BMPER: variants seen among roughly 807,000 people sequenced by gnomAD.
BMPER encodes the protein BMP binding endothelial regulator.
A neutral mutation model predicts 87.3 loss-of-function variants in BMPER; 45 were observed. That is an observed-to-expected ratio of 0.52 (90% CI 0.41 to 0.66). The LOEUF is 0.66. BMPER is among the 30% of genes least tolerant of loss of function. The pLI is 0.00. For missense variants in BMPER, 784 were observed against 867.5 expected, an observed-to-expected ratio of 0.90 and a Z score of 1.21; for synonymous variants, 326 against 316.2, an observed-to-expected ratio of 1.03 and a Z score of -0.33.
intron 2 of BMPER, among the ~76,000 whole-genome samples, chr7:33,917,082 A>T (rs1046418143): frequency 1.3e-5 from 2 of 152,232 alleles, no homozygotes; most frequent in Non-Finnish European, 2.9e-5. Flanking sequence ...TTATAGAAGT[A>T]GACTGTTGTC....
At chr7:33,958,021 C>G (rs1029690201) in intron 3 of BMPER, among the ~76,000 whole-genome samples, 13 of 152,092 alleles carry the variant, frequency 8.5e-5, no homozygotes, top group African/African-American at 3.1e-4. Context: ...CGGAGGGTTC[C>G]ATTCTTGACT....
chr7:34,148,123 C>T (rs751025903), intron 14 of BMPER, among the ~76,000 whole-genome samples: 17 of 152,146 alleles, frequency 1.1e-4, no homozygotes, highest in Non-Finnish European at 2.2e-4. Context: ...ACCCACCAAA[C>T]CAAGGATCCG....
At chr7:34,008,682 A>G (rs565252335) in intron 6 of BMPER, among the ~76,000 whole-genome samples, 14 of 152,096 alleles carry the variant, frequency 9.2e-5, no homozygotes, top group Admixed American at 3.3e-4. Flanking sequence ...ATGACATTCA[A>G]TGTTACTGGT....
At chr7:34,147,585 C>G (rs1252418887) in intron 14 of BMPER, among the ~76,000 whole-genome samples, 1 of 152,172 alleles carries the variant, frequency 6.6e-6, no homozygotes, top group African/African-American at 2.4e-5. Flanking sequence ...ATTCTCCTGC[C>G]TCAGCCTCCC....
Position 34,155,846 on chromosome 7 carries a change from T to A in BMPER, c.*2573T>A, listed in dbSNP as rs984406969. ...TAAGCTCTTGCAGAGTGAGATGACT[T>A]GAAATAAAAATGTTCTATGAATATT... On this transcript the variant is annotated 3_prime_UTR_variant, in exon 15 of 15. Transcript: ENST00000649409. 12 of 152,276 alleles carry A rather than the reference T, an allele frequency of 7.9e-5. No individual in the cohort carries two copies. Among genetic ancestry groups the A allele is most frequent in the African/African-American group, 2.9e-4 (12 of 41,554 alleles). 9.4% of individuals were successfully genotyped at this position (152,276 alleles called of 1,614,324 possible).
chr7:34,125,002 A>G (rs572438580), intron 13 of BMPER, among the ~76,000 whole-genome samples: 17 of 152,254 alleles, frequency 1.1e-4, no homozygotes, highest in Non-Finnish European at 1.9e-4. Flanking sequence ...TTCCTAAAAA[A>G]AAAAACCCAG....
At chr7:34,043,574 G>A (rs1029330487) in intron 6 of BMPER, among the ~76,000 whole-genome samples, 1 of 152,126 alleles carries the variant, frequency 6.6e-6, no homozygotes, top group Non-Finnish European at 1.5e-5. Flanking sequence ...GCTCGAGTGG[G>A]TTGAACTTTA....
At chr7:33,921,839 C>T (rs777889613) in intron 2 of BMPER, 79 of 470,788 alleles carry the variant, frequency 1.7e-4, no homozygotes, top group Non-Finnish European at 2.7e-4. Flanking sequence ...TGACCTAGTG[C>T]GCCAGCTGCA....
rs60667742 is a variant in BMPER at position 33,919,923 on chromosome 7, A to ATATCTGTCTATCTATCTATCTATC, written c.219+13025_219+13026insGTCTATCTATCTATCTATCTATCT. 1.7e-3 allele frequency among the ~76,000 whole-genome samples: 263 copies of ATATCTGTCTATCTATCTATCTATC among 150,830 alleles called. 2 individuals carry two copies. Among genetic ancestry groups the ATATCTGTCTATCTATCTATCTATC allele is most frequent in the African/African-American group, 5.8e-3 (238 of 40,946 alleles). On this transcript the variant is annotated intron_variant, in intron 2 of 14. Transcript: ENST00000649409. ...TTTATAAGGTTATGTATCTGTGTAC[A>ATATCTGTCTATCTATCTATCTATC]TATCTATCTATCTATCTATCTATCT...
At chr7:34,111,698 G>C (rs1010020341) in intron 13 of BMPER, among the ~76,000 whole-genome samples, 2 of 152,086 alleles carry the variant, frequency 1.3e-5, no homozygotes, top group Non-Finnish European at 2.9e-5. Context: ...ATTCTGAAAT[G>C]AATCTAAAAG....
rs142014353 is a variant in BMPER at position 34,015,533 on chromosome 7, G to A, written c.577-30773G>A. ...TACACATGGACACAAGCAACCCCAC[G>A]GTTGCTGCCTGTGACAGAGCTTCCA... On this transcript the variant is annotated intron_variant, in intron 6 of 14. Coordinates refer to ENST00000649409, the MANE Select transcript of BMPER (RefSeq NM_001365308.1). 3.7e-4 allele frequency among the ~76,000 whole-genome samples: 56 copies of A among 151,994 alleles called. 1 individual carries two copies. Among genetic ancestry groups the A allele is most frequent in the Middle Eastern group, 3.4e-3 (1 of 294 alleles).
At chr7:33,933,933 T>C (rs1784540210) in intron 2 of BMPER, among the ~76,000 whole-genome samples, 1 of 152,200 alleles carries the variant, frequency 6.6e-6, no homozygotes, top group African/African-American at 2.4e-5. Flanking sequence ...TGGGAATTTT[T>C]GGTGAAAAAA....
chr7:33,988,726 TCTAGCA>T (rs1786094636), intron 6 of BMPER, among the ~76,000 whole-genome samples: 1 of 151,416 alleles, frequency 6.6e-6, no homozygotes, highest in Non-Finnish European at 1.5e-5. Context: ...TAACTCGTCA[TCTAGCA>T]TTACGTATAT....
At chr7:34,103,462 T>C (rs1382947821) in intron 13 of BMPER, among the ~76,000 whole-genome samples, 1 of 152,176 alleles carries the variant, frequency 6.6e-6, no homozygotes, top group Non-Finnish European at 1.5e-5. Flanking sequence ...GTTTTCCAGT[T>C]GGTGCCTCTT....
chr7:33,960,403 T>TA (rs573991857), intron 3 of BMPER, among the ~76,000 whole-genome samples: 1 of 152,146 alleles, frequency 6.6e-6, no homozygotes, highest in African/African-American at 2.4e-5. Context: ...AGTGGTTCAT[T>TA]AAAAAAATTG....
intron 6 of BMPER, among the ~76,000 whole-genome samples, chr7:34,033,039 C>A (rs1240375158): frequency 2.0e-5 from 3 of 152,138 alleles, no homozygotes; most frequent in Admixed American, 2.0e-4. Flanking sequence ...ACTAAATGGT[C>A]ATTGTATATG....
At chr7:34,017,791 A>C (rs1036672399) in intron 6 of BMPER, among the ~76,000 whole-genome samples, 3 of 151,874 alleles carry the variant, frequency 2.0e-5, no homozygotes, top group Non-Finnish European at 4.4e-5. Context: ...CTGCTGGTCC[A>C]TGCTTTAGGA....
At position 34,078,888 on chromosome 7, in the gene BMPER, C is replaced by A. The variant is rs1157025875; in HGVS notation, c.1110C>A (p.Pro370=). ...GCGTTTGCACGGTGTTTGGAGATCC[C>A]CACTACAACACTTTTGACGGTCGGA... ...KPGVCTVFGD[P]HYNTFDGRTF... The change falls in exon 12 of 15, where the codon CCC becomes CCA. Residue 370 remains proline (P), a synonymous_variant. Coordinates refer to ENST00000649409, the MANE Select transcript of BMPER (RefSeq NM_001365308.1). The A allele has an allele frequency of 3.7e-6, 6 of 1,613,946 alleles. 1 individual carries two copies. Among genetic ancestry groups the A allele is most frequent in the Admixed American group, 1.7e-5 (1 of 59,996 alleles).
rs536880037 is a variant in BMPER at position 34,014,482 on chromosome 7, C to T, written c.577-31824C>T. Among the ~76,000 whole-genome samples the T allele has an allele frequency of 1.1e-4, 17 of 152,044 alleles. No individual in the cohort carries two copies. In the Middle Eastern group the frequency reaches 0.014, roughly 122 times the overall value. On this transcript the variant is annotated intron_variant, in intron 6 of 14. Coordinates refer to ENST00000649409, the MANE Select transcript of BMPER (RefSeq NM_001365308.1). ...GCCACCCTGTGTCCCATTTCAATGGCCTTGAAGGCATCATTGTGATGTGAT... is the reference window on the plus strand; with the variant it reads ...GCCACCCTGTGTCCCATTTCAATGGTCTTGAAGGCATCATTGTGATGTGAT...
Sources: allele counts gnomAD v4.1 joint callset (sites outside exome capture counted in the v4.1 genomes callset), GRCh38; gene constraint gnomAD v4.1.1; transcripts MANE v1.5; gene names NCBI Gene and HGNC (gene_info 2026-07-23, HGNC 2026-07-21).